Variants in CCDC82 observed in about 807,000 individuals in gnomAD.
The protein encoded by CCDC82 is coiled-coil domain containing 82.
Under a neutral mutation model 60.6 loss-of-function variants are expected in CCDC82, and 47 were observed. The observed-to-expected ratio is 0.77, with a 90% CI of 0.61 to 0.99. The LOEUF (loss-of-function observed/expected upper bound fraction) is 0.99. Ranked by LOEUF, CCDC82 falls within the 50% of genes least tolerant of loss-of-function variation. CCDC82 has a pLI of 0.00. For synonymous variants in CCDC82, 212 were observed against 207.4 expected (o/e 1.02, Z -0.19); for missense variants, 588 against 633.0 (o/e 0.93, Z 0.76).
chr11:96,381,797 T>C (rs889264347), intron 5 of CCDC82: 1 of 151,834 alleles, frequency 6.6e-6, no homozygotes, highest in African/African-American at 2.4e-5. Context: ...TAAGGAAATC[T>C]GTGATTTCAA....
intron 1 of CCDC82, chr11:96,389,385 A>AC: frequency 6.6e-6 from 1 of 152,338 alleles, no homozygotes; most frequent in South Asian, 2.1e-4. Flanking sequence ...GGACGCAGGA[A>AC]CCCAGCGCCC....
At chr11:96,376,627 T>A (rs1397979063) in intron 5 of CCDC82, among the ~76,000 whole-genome samples, 1 of 151,846 alleles carries the variant, frequency 6.6e-6, no homozygotes, top group Non-Finnish European at 1.5e-5. Context: ...AGGGTTTCTG[T>A]GTGTTGGCCA....
intron 9 of CCDC82, chr11:96,358,432 A>G (rs1864457610): frequency 8.1e-7 from 1 of 1,229,084 alleles, no homozygotes; most frequent in Non-Finnish European, 1.0e-6. Flanking sequence ...GATCAATAGG[A>G]TATGGGGGAA....
intron 7 of CCDC82, 25 bp from the exon 8 acceptor site, chr11:96,365,175 A>C (rs1565305863): frequency 7.1e-7 from 1 of 1,398,618 alleles, no homozygotes; most frequent in Non-Finnish European, 9.7e-7. Flanking sequence ...TATAAAAAAA[A>C]GTTTAAAAGA....
intron 7 of CCDC82, among the ~76,000 whole-genome samples, chr11:96,369,834 T>G (rs1009062171): frequency 6.6e-6 from 1 of 152,184 alleles, no homozygotes; most frequent in Non-Finnish European, 1.5e-5. Context: ...TGCAATAAAG[T>G]GGAATGCAAC....
intron 5 of CCDC82, chr11:96,380,624 T>A (rs1266099152): frequency 6.6e-6 from 1 of 151,812 alleles, no homozygotes; most frequent in African/African-American, 2.4e-5. Flanking sequence ...AAAACTGTGG[T>A]ACATCCATAC....
At chr11:96,374,445 T>C (rs1460769502) in intron 5 of CCDC82, among the ~76,000 whole-genome samples, 2 of 152,156 alleles carry the variant, frequency 1.3e-5, no homozygotes, top group African/African-American at 2.4e-5. Context: ...TACATTTTAG[T>C]ATGCATTCTT....
intron 7 of CCDC82, among the ~76,000 whole-genome samples, chr11:96,368,987 C>A (rs1865109340): frequency 6.6e-6 from 1 of 152,210 alleles, no homozygotes; most frequent in South Asian, 2.1e-4. Context: ...GCAGCTTCTC[C>A]ATTAGCACTT....
At chr11:96,363,278 G>C (rs1415629149) in intron 8 of CCDC82, 4 of 152,024 alleles carry the variant, frequency 2.6e-5, no homozygotes, top group Non-Finnish European at 5.9e-5. Flanking sequence ...TAATGCTCTG[G>C]ATCATAACTA....
In CCDC82 at chr11:96,352,982, T is replaced by C. The variant is rs1376519699; in HGVS notation, c.*664A>G. 3.3e-5 allele frequency: 5 copies of C among 152,032 alleles called. No individual in the cohort carries two copies. The highest frequency in any genetic ancestry group is 9.7e-5 in the African/African-American group (4 of 41,408). The allele number at this position is 152,032 out of a possible 1,614,324, so 9.4% of individuals were successfully genotyped here. A position where few individuals can be genotyped will look rare whatever the true frequency, so the allele number is the denominator to read the frequency against. Reference sequence around the variant, plus strand: ...TCATCAATATATAGACAAAATTGAATAGAAAAAAGTAAGAACATTATAAAG... The same window carrying C: ...TCATCAATATATAGACAAAATTGAACAGAAAAAAGTAAGAACATTATAAAG... On this transcript the variant is annotated 3_prime_UTR_variant, in exon 10 of 10. Transcript: ENST00000646818.
intron 5 of CCDC82, among the ~76,000 whole-genome samples, chr11:96,377,025 T>C (rs1865611907): frequency 6.6e-6 from 1 of 152,138 alleles, no homozygotes; most frequent in Non-Finnish European, 1.5e-5. Context: ...CCCAGGAGGA[T>C]GTGGTCTTGC....
Position 96,384,226 on chromosome 11 carries a change from T to C in CCDC82, c.522A>G (p.Glu174=), listed in dbSNP as rs755328682. 4 of 1,613,730 alleles carry C rather than the reference T, an allele frequency of 2.5e-6. No homozygotes were observed. Among genetic ancestry groups the C allele is most frequent in the South Asian group, 2.2e-5 (2 of 91,078 alleles). The change falls in exon 4 of 10, where the codon GAA becomes GAG. Residue 174 remains glutamate, a synonymous_variant. Coordinates refer to ENST00000646818, the MANE Select transcript of CCDC82 (RefSeq NM_024725.4). The part of the protein sequence containing the change: ...TGQIIEDDLE[E]EDIKRGKRKR... ...TTCTTTTTCCTCGCTTGATGTCTTC[T>C]TCTTCTAAATCATCCTCTATTATTT...
At chr11:96,362,986 A>G (rs1864745735) in intron 8 of CCDC82, 1 of 149,924 alleles carries the variant, frequency 6.7e-6, no homozygotes, top group Non-Finnish European at 1.5e-5. Flanking sequence ...TTTTTTTGAG[A>G]TGGAGTCTCG....
chr11:96,363,591 G>C (rs990442576), intron 8 of CCDC82: 1 of 151,998 alleles, frequency 6.6e-6, no homozygotes, highest in Non-Finnish European at 1.5e-5. Context: ...TATACCATTT[G>C]CTCTTTACTG....
chr11:96,382,036 T>A (rs1439950570), intron 5 of CCDC82: 1 of 151,848 alleles, frequency 6.6e-6, no homozygotes, highest in Admixed American at 6.6e-5. Flanking sequence ...GTATTAAATC[T>A]TGAATGTGAA....
chr11:96,384,859 G>C, intron 3 of CCDC82, 98 bp from the exon 4 acceptor site: 1 of 732,038 alleles, frequency 1.4e-6, no homozygotes, highest in East Asian at 2.9e-5. Context: ...TTTATTTAAT[G>C]GTCCACAAAC....
At chr11:96,388,378 C>T (rs998860198) in intron 1 of CCDC82, 6 of 152,028 alleles carry the variant, frequency 3.9e-5, no homozygotes, top group Admixed American at 3.9e-4. Flanking sequence ...GTAATGATAC[C>T]TTACCTTTAA....
At chr11:96,362,527 T>C (rs760002187) in intron 8 of CCDC82, among the ~76,000 whole-genome samples, 1 of 152,214 alleles carries the variant, frequency 6.6e-6, no homozygotes, top group Non-Finnish European at 1.5e-5. Context: ...GGAGTCTGGA[T>C]AGACTCTGGG....
rs564949614 is a variant in CCDC82, at chr11:96,380,711, T to G, written c.991+2558A>C. The G allele has an allele frequency of 1.3e-4, 20 of 151,908 alleles. No homozygotes were observed. In the Middle Eastern group the frequency reaches 0.01, roughly 78 times the overall value. 9.4% of individuals were successfully genotyped at this position (151,908 alleles called of 1,614,324 possible). On this transcript the variant is annotated intron_variant, in intron 5 of 9. Coordinates refer to ENST00000646818, the MANE Select transcript of CCDC82 (RefSeq NM_024725.4). Reference sequence around the variant, plus strand: ...ACATGGAGGAAACCTAAGTGCATATTATTAAGTGAAAGAAGACAATCTGAA... The same window carrying G: ...ACATGGAGGAAACCTAAGTGCATATGATTAAGTGAAAGAAGACAATCTGAA...
Sources: gnomAD v4.1 joint callset for allele counts (sites outside exome capture counted in the v4.1 genomes callset) on GRCh38, gnomAD v4.1.1 for gene constraint, MANE v1.5 for transcripts, NCBI Gene and HGNC (gene_info 2026-07-23, HGNC 2026-07-21) for gene names.